The following TTC3 variants were observed in gnomAD, a reference collection of about 807,000 sequenced individuals.
TTC3 encodes E3 ubiquitin-protein ligase TTC3.
In TTC3, 180 loss-of-function variants were observed where a neutral mutation model predicts 249.6. The ratio of observed to expected loss-of-function variants is 0.72; its 90% CI spans 0.64 to 0.82. TTC3 has a LOEUF of 0.82. TTC3 is among the 40% of genes least tolerant of loss of function. The probability of loss-of-function intolerance (pLI) is 0.00; values close to 1 mark genes in which losing one functional copy is unlikely to be tolerated. For synonymous variants in TTC3, 717 were observed against 805.0 expected, an observed-to-expected ratio of 0.89 and a Z score of 1.85; for missense variants, 2,061 against 2,398.4, an observed-to-expected ratio of 0.86 and a Z score of 2.94.
intron 10 of TTC3, among the ~76,000 whole-genome samples, chr21:37,105,575 T>C (rs1268544976): frequency 1.3e-5 from 2 of 152,206 alleles, no homozygotes; most frequent in East Asian, 1.9e-4. Context: ...GCTGGAATTT[T>C]CAGAAGTCAA....
chr21:37,108,304 T>A, intron 10 of TTC3, 88 bp from the exon 11 acceptor site: 1 of 1,064,992 alleles, frequency 9.4e-7, no homozygotes, highest in Non-Finnish European at 1.3e-6. Flanking sequence ...ATAATATACA[T>A]GGAAAATTCA....
intron 35 of TTC3, among the ~76,000 whole-genome samples, chr21:37,178,821 A>G (rs1286756975): frequency 2.0e-5 from 3 of 152,136 alleles, no homozygotes; most frequent in Non-Finnish European, 4.4e-5. Context: ...TTAACCAGGC[A>G]TGATAGTACG....
chr21:37,154,592 T>A (rs2079814084), intron 27 of TTC3, among the ~76,000 whole-genome samples: 2 of 152,254 alleles, frequency 1.3e-5, no homozygotes, highest in South Asian at 4.1e-4. Context: ...CGGTCAAGAC[T>A]GCCAGCCACT....
chr21:37,128,369 G>A (rs1335746719), intron 15 of TTC3, among the ~76,000 whole-genome samples: 1 of 152,210 alleles, frequency 6.6e-6, no homozygotes, highest in African/African-American at 2.4e-5. Context: ...CTAAGGGTCT[G>A]TAAACACTCA....
exon 1 of TTC3, chr21:37,073,309 G>GGCT: frequency 2.2e-6 from 1 of 463,078 alleles, no homozygotes; most frequent in Non-Finnish European, 2.8e-6. Context: ...CGGCGGCGGC[G>GGCT]GCGGCGGCTG....
At chr21:37,124,791 T>C in intron 14 of TTC3, 49 bp downstream of exon 14, 2 of 1,593,850 alleles carry the variant, frequency 1.3e-6, no homozygotes, top group Non-Finnish European at 1.7e-6. Context: ...GATAGTCTCA[T>C]ATTTTTACAG....
At position 37,104,581 on chromosome 21, in the gene TTC3, TC is replaced by T. The variant is rs1233829733; in HGVS notation, c.846-3809del. Among the ~76,000 whole-genome samples, 8 of 89,124 alleles carry T rather than the reference TC, an allele frequency of 9.0e-5. No individual in the cohort carries two copies. The Admixed American group carries it at 1.1e-3, about 12-fold the overall frequency. 58.5% of individuals were successfully genotyped at this position (89,124 alleles called of 152,430 possible). ...CTCCAGCCTCGGCGACGAGCAAAAC[TC>T]CGTCTCAAAAAAAAAAAAAAAAAAA... On this transcript the variant is annotated intron_variant, in intron 10 of 45. Transcript: ENST00000355666.
chr21:37,169,632 C>T (rs1321306374), intron 34 of TTC3, among the ~76,000 whole-genome samples: 6 of 150,068 alleles, frequency 4.0e-5, no homozygotes, highest in South Asian at 2.1e-4. Flanking sequence ...GGGTGGATCA[C>T]GAGGTTAGGA....
chr21:37,198,099 C>T (rs1454520098), intron 44 of TTC3, 74 bp downstream of exon 44: 3 of 1,473,774 alleles, frequency 2.0e-6, no homozygotes, highest in Non-Finnish European at 2.7e-6. Context: ...CATGATTTAG[C>T]CCCATTCATT....
At chr21:37,119,731 A>G (rs867661588) in intron 11 of TTC3, among the ~76,000 whole-genome samples, 7 of 152,152 alleles carry the variant, frequency 4.6e-5, no homozygotes, top group East Asian at 1.9e-4. Context: ...CTTGTTTTCA[A>G]TGTCTTGCAA....
rs774082561 is a variant in TTC3 at position 37,165,818 on chromosome 21, C to T, written c.3604C>T (p.Arg1202Ter). ...AATTTCAAAAGCAGGGGAGTATGTA[C>T]GAGTTAAACTACAACTGAATCCAGC... The change falls in exon 33 of 46, where the codon CGA becomes TGA. Residue 1202 changes from arginine (R) to a stop codon, truncating the protein, a stop_gained. Coordinates refer to ENST00000355666, the Ensembl canonical transcript of TTC3. LOFTEE classifies it high-confidence loss of function. 9 of 1,613,964 alleles carry T rather than the reference C, an allele frequency of 5.6e-6. No individual in the cohort carries two copies. Among genetic ancestry groups the T allele is most frequent in the South Asian group, 1.1e-5 (1 of 91,068 alleles).
At chr21:37,082,598 A>G (rs2147630069) in intron 1 of TTC3, 1 of 985,378 alleles carries the variant, frequency 1.0e-6, no homozygotes, top group African/African-American at 1.7e-5. Context: ...CACTACTTGT[A>G]GCACTAAACT....
At chr21:37,074,188 CG>C (rs1452922402) in intron 1 of TTC3, among the ~76,000 whole-genome samples, 1 of 152,224 alleles carries the variant, frequency 6.6e-6, no homozygotes, top group Non-Finnish European at 1.5e-5. Flanking sequence ...CCGCTCCCCT[CG>C]CCCCCGCGCC....
rs375961213 is a variant in TTC3 at position 37,156,869 on chromosome 21, A to G, written c.2955A>G (p.Ala985=). 1.2e-5 allele frequency: 19 copies of G among 1,613,986 alleles called. No homozygotes were observed. In the South Asian group the frequency reaches 2.0e-4, roughly 17 times the overall value. Reference sequence around the variant, plus strand: ...AAGAACACAGAGACAAGTTCCCAGCATTGCATAGTGCTTTAGATGAATTCT... The same window carrying G: ...AAGAACACAGAGACAAGTTCCCAGCGTTGCATAGTGCTTTAGATGAATTCT... Residue 985 remains alanine (A), a synonymous_variant, in exon 28 of 46, where the codon GCA becomes GCG. Coordinates refer to ENST00000355666, the Ensembl canonical transcript of TTC3.
At chr21:37,160,901 A>G in intron 30 of TTC3, 43 bp downstream of exon 30, 6 of 1,580,878 alleles carry the variant, frequency 3.8e-6, no homozygotes, top group Non-Finnish European at 4.3e-6. Context: ...AAACTCTCCA[A>G]AATAGTTAGT....
chr21:37,076,759 A>G (rs1282605597), intron 1 of TTC3, among the ~76,000 whole-genome samples: 3 of 133,982 alleles, frequency 2.2e-5, no homozygotes, highest in East Asian at 4.4e-4. Flanking sequence ...CTGGAGTGCA[A>G]TGGCACGATC....
At chr21:37,079,727 T>A (rs8132580) in intron 1 of TTC3, among the ~76,000 whole-genome samples, 17,141 of 151,446 alleles carry the variant, frequency 0.11, 1,184 homozygotes, top group Non-Finnish European at 0.15. Context: ...AGAGACGGAG[T>A]TTCACCATGT....
intron 34 of TTC3, among the ~76,000 whole-genome samples, chr21:37,168,118 G>A (rs2081408111): frequency 6.6e-6 from 1 of 152,100 alleles, no homozygotes; most frequent in Admixed American, 6.5e-5. Flanking sequence ...TCAACTCAAA[G>A]TTGCTGTAAA....
chr21:37,127,544 G>C (rs557461396), intron 15 of TTC3, among the ~76,000 whole-genome samples: 1 of 152,070 alleles, frequency 6.6e-6, no homozygotes, highest in Non-Finnish European at 1.5e-5. Context: ...CTTTTAACAC[G>C]GAATTTAGGA....
Sources: allele counts gnomAD v4.1 joint callset (sites outside exome capture counted in the v4.1 genomes callset), GRCh38; gene constraint gnomAD v4.1.1; transcripts MANE v1.5; gene names NCBI Gene and HGNC (gene_info 2026-07-23, HGNC 2026-07-21).